ACP7: variants seen among roughly 807,000 people sequenced by gnomAD.
The protein encoded by ACP7 is acid phosphatase 7, tartrate resistant (putative).
ACP7 carries 58 observed loss-of-function variants against 60.6 expected under a neutral mutation model. That is an observed-to-expected ratio of 0.96 (90% CI 0.77 to 1.19). ACP7 has a LOEUF of 1.19. Ranked by LOEUF, ACP7 falls within the 50% of genes most tolerant of loss-of-function variation. The pLI is 0.00. For missense variants in ACP7, 574 were observed against 596.2 expected, an observed-to-expected ratio of 0.96 and a Z score of 0.39; for synonymous variants, 237 against 232.6, an observed-to-expected ratio of 1.02 and a Z score of -0.17.
At position 39,098,637 on chromosome 19, in the gene ACP7, C is replaced by A; in HGVS notation, c.301C>A (p.Leu101Met). 1 of 1,612,386 alleles carries A rather than the reference C, an allele frequency of 6.2e-7. No homozygotes were observed. Among genetic ancestry groups the A allele is most frequent in the Non-Finnish European group, 8.5e-7 (1 of 1,179,168 alleles). The change falls in exon 3 of 13, where the codon CTG (leucine) becomes ATG (methionine). Residue 101 changes from leucine (L) to methionine (M), a missense_variant. Coordinates refer to ENST00000331256, the MANE Select transcript of ACP7 (RefSeq NM_001004318.3). ...CATACACCGAGTCACGCTTCGCAAG[C>A]TGCTGCCAGGGGTTCAGTATGGTGA... ...LYIHRVTLRKLLPGVQYVYRC... is the reference protein window; with the variant it reads ...LYIHRVTLRKMLPGVQYVYRC...
Position 39,110,908 on chromosome 19 carries a change from C to T in ACP7, c.*790C>T, listed in dbSNP as rs2073463621. The stretch of plus-strand genomic sequence containing the variant: ...AATGAGACAGAGATCTCGGCCCTCA[C>T]AGAGCTGACATCCTAACCAGAGAGT... On this transcript the variant is annotated 3_prime_UTR_variant, in exon 13 of 13. Coordinates refer to ENST00000331256, the MANE Select transcript of ACP7 (RefSeq NM_001004318.3). 6.6e-6 allele frequency: 1 copy of T among 152,216 alleles called. No homozygotes were observed. The highest frequency in any genetic ancestry group is 1.5e-5 in the Non-Finnish European group (1 of 68,052). The allele number at this position is 152,216 out of a possible 1,614,324, so 9.4% of individuals were successfully genotyped here.
At chr19:39,107,578 CAAA>C (rs34130688) in intron 12 of ACP7, among the ~76,000 whole-genome samples, 12 of 81,192 alleles carry the variant, frequency 1.5e-4, no homozygotes, top group African/African-American at 2.4e-4. Flanking sequence ...GACTCTGTCT[CAAA>C]AAAAAAAAAA....
rs1370880427 is a variant in ACP7, at chr19:39,100,741, G to A, written c.695G>A (p.Trp232Ter). 6.2e-7 allele frequency: 1 copy of A among 1,613,722 alleles called. No individual in the cohort carries two copies. The highest frequency in any genetic ancestry group is 8.5e-7 in the Non-Finnish European group (1 of 1,179,872). ...CCCCTGCCCTTTGACTCCTCCAGCTGGGATCTGGGTCCCGCCCACATCATC... is the reference window on the plus strand; with the variant it reads ...CCCCTGCCCTTTGACTCCTCCAGCTAGGATCTGGGTCCCGCCCACATCATC... ...PGDNEGLWYS[W>*]DLGPAHIISF... is the part of the protein sequence containing the mutation. The change falls in exon 7 of 13, where the codon TGG becomes TAG. Residue 232 changes from tryptophan (W) to a stop codon, truncating the protein, a stop_gained and splice_region_variant. Coordinates refer to ENST00000331256, the MANE Select transcript of ACP7 (RefSeq NM_001004318.3). LOFTEE classifies it high-confidence loss of function.
rs758672512 is a variant in ACP7 at position 39,098,555 on chromosome 19, C to T, written c.219C>T (p.Arg73=). The change falls in exon 3 of 13, where the codon CGC becomes CGT. Residue 73 remains arginine (R), a synonymous_variant. Coordinates refer to ENST00000331256, the MANE Select transcript of ACP7 (RefSeq NM_001004318.3). Reference sequence around the variant, plus strand: ...AGCCGTCGGGGCCCCTGCCCCTCCGCGCCCAGGGCACCTTCGTCCCCTTTG... The same window carrying T: ...AGCCGTCGGGGCCCCTGCCCCTCCGTGCCCAGGGCACCTTCGTCCCCTTTG... ...GLQPSGPLPL[R]AQGTFVPFVD... 9 of 1,613,264 alleles carry T rather than the reference C, an allele frequency of 5.6e-6. No homozygotes were observed. The highest frequency in any genetic ancestry group is 5.0e-5 in the Admixed American group (3 of 59,972).
chr19:39,100,155 C>A (rs755927435), intron 4 of ACP7, 72 bp from the exon 5 acceptor site: 27 of 1,584,554 alleles, frequency 1.7e-5, no homozygotes, highest in Non-Finnish European at 2.2e-5. Flanking sequence ...AGTCACCATA[C>A]CTGGCTCTCT....
chr19:39,092,794 T>C (rs12460304), intron 2 of ACP7, among the ~76,000 whole-genome samples: 1 of 135,912 alleles, frequency 7.4e-6, no homozygotes, highest in Non-Finnish European at 1.6e-5. Flanking sequence ...TTTTTTTTTT[T>C]TGAGATGGAG....
At position 39,100,213 on chromosome 19, in the gene ACP7, G is replaced by T. The variant is rs571704198; in HGVS notation, c.506-14G>T. On this transcript the variant is annotated splice_polypyrimidine_tract_variant and intron_variant, in intron 4 of 12. Coordinates refer to ENST00000331256, the MANE Select transcript of ACP7 (RefSeq NM_001004318.3). ...GGGCCTGGGTCCTCACCCTCCTTCC[G>T]CCCCCTCCCCCAGGAGACTTTGCCT... 42 of 1,612,798 alleles carry T rather than the reference G, an allele frequency of 2.6e-5. 1 individual carries two copies. The South Asian group carries it at 4.2e-4, about 16-fold the overall frequency.
chr19:39,098,063 C>T (rs186600997), intron 2 of ACP7, among the ~76,000 whole-genome samples: 2 of 151,740 alleles, frequency 1.3e-5, no homozygotes, highest in Admixed American at 1.3e-4. Flanking sequence ...CCAGCCTGGC[C>T]AACATGGCAA....
In ACP7 at chr19:39,110,102, G is replaced by A. The variant is rs377306259; in HGVS notation, c.1301G>A (p.Arg434Gln). 164 of 1,613,740 alleles carry A rather than the reference G, an allele frequency of 1.0e-4. No individual in the cohort carries two copies. The highest frequency in any genetic ancestry group is 3.3e-4 in the Middle Eastern group (2 of 6,062). ...DVWVVRPLFG[R>Q]RMYL ...TGGGTGGTGAGACCCCTGTTTGGCCGGAGGATGTACCTCTAGGGATGGCGG... is the reference window on the plus strand; with the variant it reads ...TGGGTGGTGAGACCCCTGTTTGGCCAGAGGATGTACCTCTAGGGATGGCGG... Residue 434 changes from arginine (R) to glutamine (Q), a missense_variant, in exon 13 of 13, where the codon CGG (arginine) becomes CAG (glutamine). By Grantham distance (43) the Arg-to-Gln change is conservative. Coordinates refer to ENST00000331256, the MANE Select transcript of ACP7 (RefSeq NM_001004318.3).
intron 2 of ACP7, among the ~76,000 whole-genome samples, chr19:39,096,121 C>G (rs1000072158): frequency 1.3e-5 from 2 of 152,182 alleles, no homozygotes; most frequent in African/African-American, 4.8e-5. Context: ...ACGTTCATCT[C>G]CTCGTTACTT....
At position 39,095,326 on chromosome 19, in the gene ACP7, C is replaced by T. The variant is rs538810560; in HGVS notation, c.122-3132C>T. ...GGGTACAGGTATTGGGTAAATACAG[C>T]CATTCCAAATGGGAGAAATTGGCTA... On this transcript the variant is annotated intron_variant, in intron 2 of 12. Coordinates refer to ENST00000331256, the MANE Select transcript of ACP7 (RefSeq NM_001004318.3). Among the ~76,000 whole-genome samples the T allele has an allele frequency of 4.7e-4, 72 of 152,286 alleles. 2 individuals are homozygous for T. The South Asian group carries it at 0.014, about 30-fold the overall frequency.
At chr19:39,098,358 AACTGTTCAACAGTGGTCAACGCCCCTC>A in intron 2 of ACP7, 73 bp from the exon 3 acceptor site, 3 of 798,222 alleles carry the variant, frequency 3.8e-6, no homozygotes, top group Non-Finnish European at 5.4e-6. Context: ...CTTAACCACT[AACTGTTCAACAGTGGTCAACGCCCCTC>A]ACTTTTTCTG....
chr19:39,109,978 C>T (rs2145050914), intron 12 of ACP7, 75 bp from the exon 13 acceptor site: 1 of 1,475,174 alleles, frequency 6.8e-7, no homozygotes, highest in South Asian at 1.2e-5. Context: ...AGAGAGGGGA[C>T]TGGAACCCAG....
At chr19:39,093,316 A>G (rs868633289) in intron 2 of ACP7, among the ~76,000 whole-genome samples, 3 of 147,624 alleles carry the variant, frequency 2.0e-5, no homozygotes, top group South Asian at 2.1e-4. Context: ...AGTGAGTGGC[A>G]CAATCTCAGC....
rs765016207 is a variant in ACP7, at chr19:39,110,149, G to C, written c.*31G>C. 5.0e-6 allele frequency: 8 copies of C among 1,598,916 alleles called. No homozygotes were observed. The highest frequency in any genetic ancestry group is 6.0e-6 in the Non-Finnish European group (7 of 1,166,924). On this transcript the variant is annotated 3_prime_UTR_variant, in exon 13 of 13. Coordinates refer to ENST00000331256, the MANE Select transcript of ACP7 (RefSeq NM_001004318.3). ...GCGGCAGCTCTCCTCCAGAAGCCTA[G>C]GTTTTGCCGCCTTGGCTGCTGTGAC...
In ACP7 at chr19:39,106,949, C is replaced by A; in HGVS notation, c.1116C>A (p.Gly372=). The A allele has an allele frequency of 1.2e-6, 2 of 1,613,872 alleles. No individual in the cohort carries two copies. ...GPVHIITGSA[G]CEERLTPFAV... Reference sequence around the variant, plus strand: ...CTGATCAGTTCTCCCCGCCCCAGGGCTGTGAGGAGCGGCTGACGCCCTTTG... The same window carrying A: ...CTGATCAGTTCTCCCCGCCCCAGGGATGTGAGGAGCGGCTGACGCCCTTTG... Residue 372 remains glycine (G), a splice_region_variant and synonymous_variant, in exon 12 of 13, where the codon GGC becomes GGA. Transcript: ENST00000331256.
chr19:39,096,470 A>G (rs534957048), intron 2 of ACP7, among the ~76,000 whole-genome samples: 4 of 152,254 alleles, frequency 2.6e-5, no homozygotes, highest in Non-Finnish European at 5.9e-5. Context: ...TTCATTGTCC[A>G]TATCATTATC....
rs754476691 is a variant in ACP7 at position 39,100,263 on chromosome 19, G to A, written c.542G>A (p.Arg181His). The A allele has an allele frequency of 3.0e-5, 48 of 1,613,964 alleles. No individual in the cohort carries two copies. Among genetic ancestry groups the A allele is most frequent in the South Asian group, 8.8e-5 (8 of 91,084 alleles). ...TACAACCTGGATCAGGACAACGCCCGTGTTGGGGATAGGTTCATGCGGCTC... is the reference window on the plus strand; with the variant it reads ...TACAACCTGGATCAGGACAACGCCCATGTTGGGGATAGGTTCATGCGGCTC... ...FAYNLDQDNARVGDRFMRLIE... is the reference protein window; with the variant it reads ...FAYNLDQDNAHVGDRFMRLIE... The change falls in exon 5 of 13, where the codon CGT (arginine) becomes CAT (histidine). Residue 181 changes from arginine (R) to histidine (H), a missense_variant. By Grantham distance (29) the Arg-to-His change is conservative. Transcript: ENST00000331256.
intron 12 of ACP7, among the ~76,000 whole-genome samples, chr19:39,108,475 C>T (rs972308450): frequency 6.6e-6 from 1 of 152,054 alleles, no homozygotes; most frequent in African/African-American, 2.4e-5. Flanking sequence ...GTTTTCCCAT[C>T]TGTGAGAGGG....
Sources: gnomAD v4.1 joint callset for allele counts (sites outside exome capture counted in the v4.1 genomes callset) on GRCh38, gnomAD v4.1.1 for gene constraint, MANE v1.5 for transcripts, NCBI Gene and HGNC (gene_info 2026-07-23, HGNC 2026-07-21) for gene names.